Variants in MGAT4C observed in about 807,000 individuals in gnomAD.
MGAT4C encodes the protein MGAT4 family member C.
Under a neutral mutation model 40.1 loss-of-function variants are expected in MGAT4C, and 19 were observed. The observed-to-expected ratio is 0.47, with a 90% CI of 0.33 to 0.70. The LOEUF (loss-of-function observed/expected upper bound fraction) is 0.70. Ranked by LOEUF, MGAT4C falls within the 30% of genes least tolerant of loss-of-function variation. The probability of loss-of-function intolerance (pLI) is 0.02; values close to 1 mark genes in which losing one functional copy is unlikely to be tolerated. For synonymous variants in MGAT4C, 181 were observed against 187.1 expected (o/e 0.97, Z 0.27); for missense variants, 491 against 563.2 (o/e 0.87, Z 1.30).
At chr12:86,281,367 C>A (rs1286826631) in intron 4 of MGAT4C, among the ~76,000 whole-genome samples, 1 of 151,874 alleles carries the variant, frequency 6.6e-6, no homozygotes, top group Non-Finnish European at 1.5e-5. Flanking sequence ...TCTCTCCATC[C>A]CTCTCAATAT....
At chr12:86,525,984 G>T (rs914951237) in intron 2 of MGAT4C, among the ~76,000 whole-genome samples, 5 of 152,196 alleles carry the variant, frequency 3.3e-5, no homozygotes, top group African/African-American at 1.2e-4. Flanking sequence ...TATGGCAGGG[G>T]GCCAGCAGGT....
chr12:86,179,085 G>T (rs536357450), intron 1 of MGAT4C, among the ~76,000 whole-genome samples: 48 of 152,312 alleles, frequency 3.2e-4, no homozygotes, highest in Non-Finnish European at 6.3e-4. Flanking sequence ...CATGTTGTGG[G>T]AGGGACCTAG....
chr12:86,577,750 A>G (rs1960621604), intron 2 of MGAT4C, among the ~76,000 whole-genome samples: 1 of 151,882 alleles, frequency 6.6e-6, no homozygotes, highest in East Asian at 1.9e-4. Context: ...TTAATCAGAT[A>G]TATTGACCTG....
intron 2 of MGAT4C, among the ~76,000 whole-genome samples, chr12:86,639,140 C>A (rs1255744921): frequency 6.6e-6 from 1 of 151,720 alleles, no homozygotes; most frequent in Non-Finnish European, 1.5e-5. Context: ...CTCTGTTGCA[C>A]AATGTCATTT....
chr12:86,509,427 T>C (rs1382507999), intron 2 of MGAT4C, among the ~76,000 whole-genome samples: 2 of 152,228 alleles, frequency 1.3e-5, no homozygotes, highest in African/African-American at 2.4e-5. Flanking sequence ...TATATCTCTG[T>C]TTTGGTACCA....
chr12:86,268,361 C>T (rs1952841317), intron 4 of MGAT4C, among the ~76,000 whole-genome samples: 1 of 152,012 alleles, frequency 6.6e-6, no homozygotes, highest in Admixed American at 6.5e-5. Flanking sequence ...ATATATTCAA[C>T]TGGCCCATCA....
intron 1 of MGAT4C, among the ~76,000 whole-genome samples, chr12:86,194,935 T>C (rs1323175148): frequency 1.3e-5 from 2 of 152,178 alleles, no homozygotes; most frequent in East Asian, 3.9e-4. Context: ...CTGCTACCCA[T>C]GAAACTGGCA....
At chr12:86,449,161 AAAT>A (rs1592861448) in intron 2 of MGAT4C, among the ~76,000 whole-genome samples, 1 of 152,196 alleles carries the variant, frequency 6.6e-6, no homozygotes, top group African/African-American at 2.4e-5. Flanking sequence ...TGAATAAGTA[AAAT>A]AATAATTGAG....
chr12:86,091,135 G>A (rs1872803800), intron 1 of MGAT4C, among the ~76,000 whole-genome samples: 1 of 151,876 alleles, frequency 6.6e-6, no homozygotes, highest in East Asian at 1.9e-4. Context: ...CTAATTCTTG[G>A]AGCTTCAGTA....
intron 1 of MGAT4C, among the ~76,000 whole-genome samples, chr12:86,054,539 C>T (rs1275864912): frequency 6.6e-6 from 1 of 151,844 alleles, no homozygotes. Context: ...TTAATAACAG[C>T]ATATTGTATA....
chr12:86,341,748 A>T (rs560014111), intron 3 of MGAT4C, among the ~76,000 whole-genome samples: 27 of 152,168 alleles, frequency 1.8e-4, no homozygotes, highest in South Asian at 8.3e-4. Flanking sequence ...CTCTACCAAA[A>T]TGTGGCCTGA....
chr12:86,398,846 C>A (rs1476125301), intron 3 of MGAT4C, among the ~76,000 whole-genome samples: 2 of 152,024 alleles, frequency 1.3e-5, no homozygotes, highest in Non-Finnish European at 2.9e-5. Flanking sequence ...GAGTCCTGCC[C>A]CATACCAGAG....
intron 3 of MGAT4C, among the ~76,000 whole-genome samples, chr12:86,372,915 T>G (rs908325612): frequency 4.0e-5 from 6 of 151,500 alleles, no homozygotes; most frequent in Non-Finnish European, 7.4e-5. Context: ...ATTATATTGT[T>G]AAACCACCTC....
intron 1 of MGAT4C, among the ~76,000 whole-genome samples, chr12:86,830,232 T>A (rs2136235197): frequency 6.6e-6 from 1 of 151,678 alleles, no homozygotes; most frequent in African/African-American, 2.4e-5. Context: ...TACCTGTCTA[T>A]CCATCCATCT....
chr12:86,527,956 G>A (rs1463372928), intron 2 of MGAT4C, among the ~76,000 whole-genome samples: 1 of 152,036 alleles, frequency 6.6e-6, no homozygotes, highest in Non-Finnish European at 1.5e-5. Context: ...AAATGTAAAT[G>A]TATTTATCAC....
chr12:86,175,050 A>G (rs2135844762), intron 1 of MGAT4C, among the ~76,000 whole-genome samples: 1 of 152,296 alleles, frequency 6.6e-6, no homozygotes, highest in African/African-American at 2.4e-5. Flanking sequence ...TGATTTCAAT[A>G]TATCTGCTGA....
rs149434713 is a variant in MGAT4C, at chr12:86,572,646, C to T, written c.-228-137381G>A. On this transcript the variant is annotated intron_variant, in intron 2 of 7. Coordinates refer to the MGAT4C transcript ENST00000548651. ...TGCATATGACCTTTGTATTTTTATG[C>T]ACAGTCCTCTTAATCTACAATAATC... Among the ~76,000 whole-genome samples, 17 of 152,172 alleles carry T rather than the reference C, an allele frequency of 1.1e-4. No homozygotes were observed. In the East Asian group the frequency reaches 2.1e-3, roughly 19 times the overall value.
intron 2 of MGAT4C, among the ~76,000 whole-genome samples, chr12:86,500,007 T>C (rs1958310425): frequency 6.6e-6 from 1 of 151,820 alleles, no homozygotes; most frequent in Non-Finnish European, 1.5e-5. Context: ...CAGCAGCATA[T>C]GCATTCTTTC....
chr12:86,754,610 A>C (rs1407034293), intron 1 of MGAT4C, among the ~76,000 whole-genome samples: 1 of 152,146 alleles, frequency 6.6e-6, no homozygotes, highest in Non-Finnish European at 1.5e-5. Context: ...TTTTCCCTGA[A>C]AATAGTCTAT....
Sources: allele counts gnomAD v4.1 joint callset (sites outside exome capture counted in the v4.1 genomes callset), GRCh38; gene constraint gnomAD v4.1.1; transcripts MANE v1.5; gene names NCBI Gene and HGNC (gene_info 2026-07-23, HGNC 2026-07-21).